SLC14A2: variants seen among roughly 807,000 people sequenced by gnomAD.
SLC14A2 encodes urea transporter 2.
In SLC14A2, 91 loss-of-function variants were observed where a neutral mutation model predicts 104.6. The ratio of observed to expected loss-of-function variants is 0.87; its 90% CI spans 0.73 to 1.04. SLC14A2 has a LOEUF of 1.04. SLC14A2 is among the 50% of genes least tolerant of loss of function. The pLI is 0.00. For missense variants in SLC14A2, 1,189 were observed against 1,156.0 expected (o/e 1.03, Z -0.41); for synonymous variants, 476 against 466.4 (o/e 1.02, Z -0.27).
At chr18:45,459,621 G>C (rs1307868394) in intron 1 of SLC14A2, among the ~76,000 whole-genome samples, 1 of 152,176 alleles carries the variant, frequency 6.6e-6, no homozygotes, top group Non-Finnish European at 1.5e-5. Flanking sequence ...GCTATTCCCG[G>C]GGCCTCGCCC....
chr18:45,568,368 G>GC (rs939076559), intron 2 of SLC14A2, among the ~76,000 whole-genome samples: 2 of 152,222 alleles, frequency 1.3e-5, no homozygotes, highest in African/African-American at 4.8e-5. Flanking sequence ...CACCAGAGAA[G>GC]CAGAGGGCTG....
intron 1 of SLC14A2, among the ~76,000 whole-genome samples, chr18:45,434,387 A>C (rs1439303327): frequency 6.6e-6 from 1 of 152,238 alleles, no homozygotes; most frequent in Non-Finnish European, 1.5e-5. Context: ...AGTAAAGGGA[A>C]AAGCTGTAAG....
chr18:45,184,431 T>A, the SLC14A2 span, among the ~76,000 whole-genome samples: 1 of 152,176 alleles, frequency 6.6e-6, no homozygotes, highest in Admixed American at 6.5e-5. Context: ...AACAATGTCA[T>A]CACCAATCAG....
At chr18:45,682,020 G>T (rs1002683144) in intron 19 of SLC14A2, among the ~76,000 whole-genome samples, 8 of 152,200 alleles carry the variant, frequency 5.3e-5, no homozygotes, top group Non-Finnish European at 1.0e-4. Context: ...CAGAAACATA[G>T]CTTCTGACAA....
the SLC14A2 span, among the ~76,000 whole-genome samples, chr18:45,200,060 G>A: frequency 1.3e-5 from 2 of 151,980 alleles, no homozygotes; most frequent in Non-Finnish European, 2.9e-5. Context: ...ATATCTATAG[G>A]TTTTCTTTCT....
the SLC14A2 span, among the ~76,000 whole-genome samples, chr18:45,207,225 A>C: frequency 2.6e-5 from 4 of 151,916 alleles, no homozygotes; most frequent in Non-Finnish European, 5.9e-5. Flanking sequence ...GCATTTTCTT[A>C]TTTGAATGTT....
intron 1 of SLC14A2, among the ~76,000 whole-genome samples, chr18:45,416,747 GAT>G (rs924006594): frequency 6.6e-6 from 1 of 152,140 alleles, no homozygotes; most frequent in African/African-American, 2.4e-5. Context: ...AGAAATAAGA[GAT>G]ATTTTAAGCT....
At chr18:45,258,394 A>G (rs966498130) in intron 1 of SLC14A2, among the ~76,000 whole-genome samples, 1 of 142,810 alleles carries the variant, frequency 7.0e-6, no homozygotes, top group Non-Finnish European at 1.5e-5. Context: ...CAGGAGTAGG[A>G]ACATTTGATC....
chr18:45,267,723 A>G (rs1189615498), intron 1 of SLC14A2, among the ~76,000 whole-genome samples: 2 of 152,166 alleles, frequency 1.3e-5, no homozygotes, highest in Admixed American at 6.6e-5. Context: ...ATTCCTGGAA[A>G]GAAATATGAC....
At chr18:45,291,902 C>T (rs1436367437) in intron 1 of SLC14A2, among the ~76,000 whole-genome samples, 4 of 152,280 alleles carry the variant, frequency 2.6e-5, no homozygotes, top group East Asian at 3.9e-4. Flanking sequence ...AAGTTCTCCT[C>T]CCAGATAATT....
intron 2 of SLC14A2, among the ~76,000 whole-genome samples, chr18:45,491,406 T>G (rs1598907222): frequency 6.6e-6 from 1 of 152,184 alleles, no homozygotes; most frequent in South Asian, 2.1e-4. Context: ...TTCAGACATA[T>G]GCATAATAGA....
intron 1 of SLC14A2, among the ~76,000 whole-genome samples, chr18:45,300,878 G>A (rs2084961844): frequency 6.6e-6 from 1 of 152,162 alleles, no homozygotes; most frequent in South Asian, 2.1e-4. Context: ...GCATCCTCCA[G>A]TCTCCTCTCC....
rs760645993 is a variant in SLC14A2, at chr18:45,663,925, C to T, written c.1474+18C>T. ...GAGCAAAGGTGTGCATGTCCTCCCC[C>T]TCACGCTTGGATCCCTGCCTTCCTA... On this transcript the variant is annotated intron_variant, in intron 11 of 19. Transcript: ENST00000255226. 6 of 1,600,088 alleles carry T rather than the reference C, an allele frequency of 3.7e-6. No homozygotes were observed. In the African/African-American group the frequency reaches 5.4e-5, roughly 14 times the overall value.
chr18:45,519,397 C>A (rs1304040682), intron 2 of SLC14A2, among the ~76,000 whole-genome samples: 2 of 152,192 alleles, frequency 1.3e-5, no homozygotes, highest in African/African-American at 4.8e-5. Context: ...CCAGGCATGA[C>A]CCTCAGGGGA....
chr18:45,655,425 C>T (rs778702081), intron 10 of SLC14A2, among the ~76,000 whole-genome samples: 2 of 152,234 alleles, frequency 1.3e-5, no homozygotes, highest in Non-Finnish European at 2.9e-5. Flanking sequence ...ACTATCACCA[C>T]CCTGGCCTCG....
chr18:45,578,311 T>C (rs2044441919), intron 2 of SLC14A2, among the ~76,000 whole-genome samples: 2 of 152,240 alleles, frequency 1.3e-5, no homozygotes, highest in African/African-American at 4.8e-5. Flanking sequence ...GACTTCATAA[T>C]TGTTGACTTG....
At chr18:45,643,617 C>T (rs948586341) in intron 9 of SLC14A2, among the ~76,000 whole-genome samples, 1 of 152,172 alleles carries the variant, frequency 6.6e-6, no homozygotes, top group South Asian at 2.1e-4. Context: ...ACTGCAGCTC[C>T]AACCTCCCAG....
chr18:45,665,667 G>T (rs1260435350), intron 11 of SLC14A2, among the ~76,000 whole-genome samples: 1 of 145,818 alleles, frequency 6.9e-6, no homozygotes, highest in African/African-American at 2.6e-5. Flanking sequence ...GAAGTGAAGG[G>T]CTTCAACAAC....
intron 19 of SLC14A2, among the ~76,000 whole-genome samples, chr18:45,679,272 G>A (rs997902983): frequency 6.6e-6 from 1 of 152,158 alleles, no homozygotes; most frequent in African/African-American, 2.4e-5. Context: ...GGAAATTTGA[G>A]GAGCATTATC....
Sources: allele counts gnomAD v4.1 joint callset (sites outside exome capture counted in the v4.1 genomes callset), GRCh38; gene constraint gnomAD v4.1.1; transcripts MANE v1.5; gene names NCBI Gene and HGNC (gene_info 2026-07-23, HGNC 2026-07-21).